SERGEF: variants seen among roughly 807,000 people sequenced by gnomAD.
SERGEF encodes the protein secretion-regulating guanine nucleotide exchange factor.
SERGEF carries 51 observed loss-of-function variants against 50.0 expected under a neutral mutation model. The ratio of observed to expected loss-of-function variants is 1.02; its 90% CI spans 0.81 to 1.29. SERGEF has a LOEUF of 1.29. Among genes scored for constraint, SERGEF ranks in the 50% most tolerant of loss-of-function variants. The pLI, the probability that SERGEF is intolerant of heterozygous loss-of-function variation, is 0.00. For missense variants in SERGEF, 521 were observed against 557.0 expected (o/e 0.94, Z 0.65); for synonymous variants, 205 against 212.4 (o/e 0.97, Z 0.30).
chr11:17,858,316 G>A (rs918742497), intron 10 of SERGEF, among the ~76,000 whole-genome samples: 3 of 152,196 alleles, frequency 2.0e-5, no homozygotes, highest in African/African-American at 7.2e-5. Flanking sequence ...AGTCATCAGA[G>A]GGTGGGAGTG....
chr11:17,896,512 T>C (rs1851623474), intron 9 of SERGEF, among the ~76,000 whole-genome samples: 2 of 146,650 alleles, frequency 1.4e-5, no homozygotes, highest in Non-Finnish European at 3.0e-5. Context: ...AAAATGAGTG[T>C]TTTCAGTCTG....
At chr11:17,973,818 G>T (rs1853306491) in intron 8 of SERGEF, among the ~76,000 whole-genome samples, 1 of 152,172 alleles carries the variant, frequency 6.6e-6, no homozygotes, top group South Asian at 2.1e-4. Context: ...GATGCCAATG[G>T]AGATAATGAC....
chr11:17,956,996 T>G (rs1299981671), intron 9 of SERGEF, among the ~76,000 whole-genome samples: 3 of 152,156 alleles, frequency 2.0e-5, no homozygotes, highest in Non-Finnish European at 2.9e-5. Flanking sequence ...CAGACCTGGA[T>G]ATCCACAGCT....
intron 9 of SERGEF, among the ~76,000 whole-genome samples, chr11:17,959,026 G>A (rs1159022873): frequency 2.0e-5 from 3 of 151,886 alleles, no homozygotes; most frequent in Non-Finnish European, 2.9e-5. Flanking sequence ...GTGCCACCAC[G>A]CCCAGCTAAT....
chr11:17,977,967 G>A (rs1853413161), intron 8 of SERGEF, among the ~76,000 whole-genome samples: 1 of 152,194 alleles, frequency 6.6e-6, no homozygotes, highest in Non-Finnish European at 1.5e-5. Context: ...GAATAAGATA[G>A]TCAATTGCTA....
At chr11:17,962,254 C>T (rs1439538865) in intron 8 of SERGEF, among the ~76,000 whole-genome samples, 1 of 152,110 alleles carries the variant, frequency 6.6e-6, no homozygotes, top group East Asian at 1.9e-4. Context: ...GAATAATCTT[C>T]TTCCCAGGAG....
chr11:17,865,361 T>C (rs1851001983), intron 10 of SERGEF, among the ~76,000 whole-genome samples: 1 of 152,230 alleles, frequency 6.6e-6, no homozygotes, highest in Admixed American at 6.5e-5. Context: ...TACTTTTTAT[T>C]GTTATTTTGG....
At chr11:17,972,592 A>G (rs1853272665) in intron 8 of SERGEF, among the ~76,000 whole-genome samples, 1 of 152,232 alleles carries the variant, frequency 6.6e-6, no homozygotes. Context: ...ATAGTATAAC[A>G]CAACTTTTAT....
chr11:17,855,554 G>T (rs1466531614), intron 10 of SERGEF: 1 of 152,138 alleles, frequency 6.6e-6, no homozygotes, highest in East Asian at 1.9e-4. Context: ...ATACATCATG[G>T]ACACACTGGA....
In SERGEF at chr11:17,922,434, G is replaced by C. The variant is rs138803880; in HGVS notation, c.1011+37036C>G. ...AAAAGATGATCATGCTCAGAACAAGGAAGAGAAAGTAAAAAGAACCTGACC... is the reference window on the plus strand; with the variant it reads ...AAAAGATGATCATGCTCAGAACAAGCAAGAGAAAGTAAAAAGAACCTGACC... On this transcript the variant is annotated intron_variant, in intron 9 of 10. Transcript: ENST00000265965. Among the ~76,000 whole-genome samples, 405 of 152,316 alleles carry C rather than the reference G, an allele frequency of 2.7e-3. 1 individual carries two copies. Among genetic ancestry groups the C allele is most frequent in the African/African-American group, 9.0e-3 (374 of 41,574 alleles).
At chr11:17,842,154 A>G (rs1304547056) in intron 10 of SERGEF, among the ~76,000 whole-genome samples, 1 of 152,014 alleles carries the variant, frequency 6.6e-6, no homozygotes, top group Non-Finnish European at 1.5e-5. Context: ...CTGTTTTATC[A>G]TCATAGTATC....
intron 10 of SERGEF, among the ~76,000 whole-genome samples, chr11:17,791,355 A>G (rs1005358915): frequency 4.6e-5 from 7 of 152,252 alleles, no homozygotes; most frequent in Non-Finnish European, 8.8e-5. Context: ...TACTGCCAGA[A>G]TACTTTTCAG....
Position 17,970,334 on chromosome 11 carries a change from A to C in SERGEF, c.845-10698T>G, listed in dbSNP as rs1853220111. On this transcript the variant is annotated intron_variant, in intron 8 of 10. Coordinates refer to ENST00000265965, the MANE Select transcript of SERGEF (RefSeq NM_012139.4). ...CTGCAATTATTTTGGGGCATCATGA[A>C]CCATGCCCATGTAAGATGGCAAACT... is the stretch of plus-strand genomic sequence containing the variant. 2.0e-5 allele frequency among the ~76,000 whole-genome samples: 3 copies of C among 152,184 alleles called. No individual in the cohort carries two copies. In the South Asian group the frequency reaches 6.2e-4, roughly 32 times the overall value.
chr11:17,816,032 T>C (rs969887241), intron 10 of SERGEF, among the ~76,000 whole-genome samples: 5 of 152,208 alleles, frequency 3.3e-5, no homozygotes, highest in African/African-American at 1.2e-4. Context: ...ATCCAGGCTA[T>C]AGATTGTTTC....
intron 10 of SERGEF, among the ~76,000 whole-genome samples, chr11:17,796,355 A>G (rs1849572018): frequency 6.6e-6 from 1 of 152,188 alleles, no homozygotes; most frequent in African/African-American, 2.4e-5. Context: ...ATGTGTTCCC[A>G]AAAGTACAGG....
intron 10 of SERGEF, chr11:17,874,348 T>G (rs1313840841): frequency 5.9e-5 from 9 of 152,204 alleles, no homozygotes; most frequent in Admixed American, 5.9e-4. Flanking sequence ...AAGCCAGCCA[T>G]GGTCAATGGC....
intron 10 of SERGEF, among the ~76,000 whole-genome samples, chr11:17,806,657 C>T (rs1480878429): frequency 6.6e-6 from 1 of 152,106 alleles, no homozygotes; most frequent in Non-Finnish European, 1.5e-5. Flanking sequence ...CTAATGGGCA[C>T]GAGAAATATC....
At chr11:17,819,365 AAG>A (rs1352565818) in intron 10 of SERGEF, among the ~76,000 whole-genome samples, 2 of 152,248 alleles carry the variant, frequency 1.3e-5, no homozygotes, top group African/African-American at 4.8e-5. Context: ...TCTGCTCAGC[AAG>A]AGAGTTTTTT....
intron 10 of SERGEF, among the ~76,000 whole-genome samples, chr11:17,796,756 C>T (rs1488742910): frequency 6.6e-6 from 1 of 152,168 alleles, no homozygotes; most frequent in Non-Finnish European, 1.5e-5. Context: ...AGGATACCCT[C>T]GAGGCAGGAG....
Sources: allele counts gnomAD v4.1 joint callset (sites outside exome capture counted in the v4.1 genomes callset), GRCh38; gene constraint gnomAD v4.1.1; transcripts MANE v1.5; gene names NCBI Gene and HGNC (gene_info 2026-07-23, HGNC 2026-07-21).